Variants in CDIN1 observed in about 807,000 individuals in gnomAD.
The protein encoded by CDIN1 is CDAN1-interacting nuclease 1.
In CDIN1, 33 loss-of-function variants were observed where a neutral mutation model predicts 45.3. The ratio of observed to expected loss-of-function variants is 0.73; its 90% CI spans 0.55 to 0.97. The LOEUF is 0.97. Ranked by LOEUF, CDIN1 falls within the 50% of genes least tolerant of loss-of-function variation. The probability of loss-of-function intolerance (pLI) is 0.00; values close to 1 mark genes in which losing one functional copy is unlikely to be tolerated. For missense variants in CDIN1, 303 were observed against 339.4 expected, an observed-to-expected ratio of 0.89 and a Z score of 0.84; for synonymous variants, 118 against 124.4, an observed-to-expected ratio of 0.95 and a Z score of 0.34.
intron 10 of CDIN1, among the ~76,000 whole-genome samples, chr15:36,774,798 T>G (rs2141035194): frequency 6.6e-6 from 1 of 152,236 alleles, no homozygotes; most frequent in South Asian, 2.1e-4. Context: ...AAAAAGAAAA[T>G]AAATCTGTCG....
intron 1 of CDIN1, among the ~76,000 whole-genome samples, chr15:36,619,711 C>T (rs1238075152): frequency 6.6e-6 from 1 of 151,676 alleles, no homozygotes; most frequent in East Asian, 1.9e-4. Flanking sequence ...AGAAGCATTT[C>T]TGTAAAATTA....
chr15:36,670,005 G>C (rs1225389204), intron 5 of CDIN1, among the ~76,000 whole-genome samples: 1 of 152,018 alleles, frequency 6.6e-6, no homozygotes, highest in Non-Finnish European at 1.5e-5. Flanking sequence ...CTCAAGTTGA[G>C]GAGAATGATT....
At chr15:36,692,204 G>A (rs771596280) in intron 7 of CDIN1, 29 bp downstream of exon 7, 26 of 1,605,828 alleles carry the variant, frequency 1.6e-5, no homozygotes, top group Admixed American at 5.0e-5. Flanking sequence ...TTTTAGGTGC[G>A]CAATTGACGA....
intron 2 of CDIN1, among the ~76,000 whole-genome samples, chr15:36,644,876 G>A (rs1305642294): frequency 6.6e-6 from 1 of 152,142 alleles, no homozygotes; most frequent in Non-Finnish European, 1.5e-5. Flanking sequence ...GAATTGAATC[G>A]AGGGAAAATT....
chr15:36,654,364 C>T (rs770981705), intron 4 of CDIN1, among the ~76,000 whole-genome samples: 4 of 152,048 alleles, frequency 2.6e-5, no homozygotes, highest in Non-Finnish European at 1.5e-5. Context: ...CATAATTAGT[C>T]TACTTCTTTT....
intron 10 of CDIN1, among the ~76,000 whole-genome samples, chr15:36,715,731 C>T (rs1274044527): frequency 1.3e-5 from 2 of 152,134 alleles, no homozygotes; most frequent in Non-Finnish European, 2.9e-5. Context: ...CTTTTTCTAT[C>T]TCTTAAAATT....
chr15:36,605,122 C>G (rs1220177009), intron 1 of CDIN1, among the ~76,000 whole-genome samples: 1 of 152,088 alleles, frequency 6.6e-6, no homozygotes, highest in East Asian at 1.9e-4. Context: ...ATACCTCTTT[C>G]CTAGATGCAT....
chr15:36,666,595 G>T (rs1321952847), intron 5 of CDIN1, among the ~76,000 whole-genome samples: 1 of 152,044 alleles, frequency 6.6e-6, no homozygotes, highest in Non-Finnish European at 1.5e-5. Flanking sequence ...TACCAATTTG[G>T]ACCTCTGTAT....
At position 36,600,029 on chromosome 15, in the gene CDIN1, G is replaced by A. The variant is rs2582351; in HGVS notation, c.101+20068G>A. 4.0e-3 allele frequency among the ~76,000 whole-genome samples: 608 copies of A among 152,360 alleles called. 4 individuals are homozygous for A. The highest frequency in any genetic ancestry group is 0.014 in the African/African-American group (576 of 41,592). On this transcript the variant is annotated intron_variant, in intron 1 of 10. Coordinates refer to ENST00000566621, the MANE Select transcript of CDIN1 (RefSeq NM_001321759.2). ...AGAGATCTGACAAAGGTCATGCTATGTTGGGCATTTGAATTGGAAATTGTC... is the reference window on the plus strand; with the variant it reads ...AGAGATCTGACAAAGGTCATGCTATATTGGGCATTTGAATTGGAAATTGTC...
At chr15:36,718,730 C>A (rs1286176534) in intron 10 of CDIN1, among the ~76,000 whole-genome samples, 1 of 149,290 alleles carries the variant, frequency 6.7e-6, no homozygotes, top group Non-Finnish European at 1.5e-5. Context: ...TAGTTTACAT[C>A]ATTGGTGGAA....
intron 10 of CDIN1, among the ~76,000 whole-genome samples, chr15:36,800,899 G>GTATA (rs1467289662): frequency 7.0e-4 from 18 of 25,798 alleles, no homozygotes; most frequent in African/African-American, 2.0e-3. Flanking sequence ...GTGTGTGTGT[G>GTATA]TGTGTGTGTG....
chr15:36,788,652 ATTAC>A (rs1041979104), intron 10 of CDIN1, among the ~76,000 whole-genome samples: 1 of 152,212 alleles, frequency 6.6e-6, no homozygotes, highest in Non-Finnish European at 1.5e-5. Context: ...AAACAAAATT[ATTAC>A]TTAAATATAT....
In CDIN1 at chr15:36,802,140, G is replaced by A. The variant is rs539207470; in HGVS notation, c.717-6184G>A. 7.9e-5 allele frequency among the ~76,000 whole-genome samples: 12 copies of A among 152,304 alleles called. No individual in the cohort carries two copies. The South Asian group carries it at 1.5e-3, about 18-fold the overall frequency. On this transcript the variant is annotated intron_variant, in intron 10 of 10. Transcript: ENST00000566621. ...ACAAGGGTAAGCCATAGAGCCAGGC[G>A]GCTTGGGTTCGAAACCTGGCCCTTT...
chr15:36,732,073 T>G (rs959508825), intron 10 of CDIN1, among the ~76,000 whole-genome samples: 2 of 152,186 alleles, frequency 1.3e-5, no homozygotes, highest in African/African-American at 2.4e-5. Context: ...GTAGACTTGC[T>G]GAAGGGCTTC....
intron 10 of CDIN1, among the ~76,000 whole-genome samples, chr15:36,721,584 T>C (rs978367439): frequency 1.8e-4 from 27 of 152,270 alleles, no homozygotes; most frequent in African/African-American, 6.5e-4. Flanking sequence ...GCTCAGACTG[T>C]GGTTATCTCT....
chr15:36,733,983 G>A (rs1230492654), intron 10 of CDIN1, among the ~76,000 whole-genome samples: 1 of 151,986 alleles, frequency 6.6e-6, no homozygotes, highest in East Asian at 1.9e-4. Context: ...TATATTAATA[G>A]GGGTATTGTC....
rs2054677066 is a variant in CDIN1, at chr15:36,792,703, T to A, written c.717-15621T>A. Among the ~76,000 whole-genome samples, 6 of 152,308 alleles carry A rather than the reference T, an allele frequency of 3.9e-5. No individual in the cohort carries two copies. In the South Asian group the frequency reaches 1.2e-3, roughly 32 times the overall value. On this transcript the variant is annotated intron_variant, in intron 10 of 10. Transcript: ENST00000566621. ...GTAGATACTTTGGTCCAGCACAAAG[T>A]AAATATTTAGCTCACAGATTCCATG...
chr15:36,694,795 T>A (rs1208845460), intron 7 of CDIN1, among the ~76,000 whole-genome samples: 5 of 152,234 alleles, frequency 3.3e-5, no homozygotes, highest in Admixed American at 3.3e-4. Flanking sequence ...TTCATTTCTG[T>A]ACCATCAGAG....
chr15:36,723,645 A>T (rs760361891), intron 10 of CDIN1, among the ~76,000 whole-genome samples: 5 of 152,138 alleles, frequency 3.3e-5, no homozygotes, highest in African/African-American at 1.2e-4. Flanking sequence ...GCTCACTGCA[A>T]CCTTGAACTC....
Sources: allele counts gnomAD v4.1 joint callset (sites outside exome capture counted in the v4.1 genomes callset), GRCh38; gene constraint gnomAD v4.1.1; transcripts MANE v1.5; gene names NCBI Gene and HGNC (gene_info 2026-07-23, HGNC 2026-07-21).